The following NRXN3 variants were observed in gnomAD, a reference collection of about 807,000 sequenced individuals.
NRXN3 encodes neurexin III.
Under a neutral mutation model 137.6 loss-of-function variants are expected in NRXN3, and 32 were observed. That is an observed-to-expected ratio of 0.23 (90% CI 0.18 to 0.31). NRXN3 has a LOEUF of 0.31. Among genes scored for constraint, NRXN3 ranks in the 10% least tolerant of loss-of-function variants. NRXN3 has a pLI of 1.00. For missense variants in NRXN3, 1,574 were observed against 2,062.5 expected (o/e 0.76, Z 4.59); for synonymous variants, 798 against 784.5 (o/e 1.02, Z -0.29).
At chr14:78,797,784 T>C (rs1026530822) in intron 8 of NRXN3, among the ~76,000 whole-genome samples, 1 of 152,038 alleles carries the variant, frequency 6.6e-6, no homozygotes, top group African/African-American at 2.4e-5. Flanking sequence ...TGCCTCACAA[T>C]CATATTGGAA....
chr14:79,358,659 AAGAAAG>A (rs1422384296), intron 15 of NRXN3, among the ~76,000 whole-genome samples: 16 of 150,574 alleles, frequency 1.1e-4, no homozygotes, highest in Non-Finnish European at 1.8e-4. Context: ...GAAAGAAAGA[AAGAAAG>A]AAAGTGTCCT....
chr14:78,809,803 G>T (rs189498465), intron 9 of NRXN3, among the ~76,000 whole-genome samples: 1 of 152,268 alleles, frequency 6.6e-6, no homozygotes, highest in East Asian at 1.9e-4. Context: ...TTTTTTAAAT[G>T]ATACAATCAG....
At chr14:78,424,690 G>A (rs1190203783) in intron 4 of NRXN3, among the ~76,000 whole-genome samples, 7 of 152,226 alleles carry the variant, frequency 4.6e-5, no homozygotes, top group Non-Finnish European at 1.0e-4. Context: ...GATTTCTAGA[G>A]TTGCTGGAGT....
chr14:78,243,473 G>A lies in NRXN3; in HGVS notation c.380G>A (p.Gly127Asp), dbSNP rs1349640781. ...DRLRTVLMLD[G>D]EGQSGELQPQ... ...CTGCGCACGGTGCTGATGCTTGATG[G>A]CGAGGGCCAGTCTGGGGAGCTGCAG... The change falls in exon 2 of 21, where the codon GGC (glycine) becomes GAC (aspartate). Residue 127 changes from glycine to aspartate, a missense_variant. Gly to Asp is a moderately conservative substitution (Grantham distance 94, BLOSUM62 -1). Around this residue, in one of 5 missense-constraint regions of NRXN3, gnomAD observed 400 missense variants for 527.3 expected, o/e 0.76. Transcript: ENST00000335750. The surrounding 1 kb of genome is among the most constrained non-coding windows in gnomAD (Gnocchi z 4.2). 2 of 1,585,070 alleles carry A rather than the reference G, an allele frequency of 1.3e-6. No individual in the cohort carries two copies. The highest frequency in any genetic ancestry group is 4.5e-5 in the East Asian group (2 of 44,366).
At chr14:79,107,094 C>G (rs1336807231) in intron 15 of NRXN3, among the ~76,000 whole-genome samples, 1 of 152,148 alleles carries the variant, frequency 6.6e-6, no homozygotes, top group Admixed American at 6.6e-5. Context: ...ATGACAAGCT[C>G]TATGTATCAT....
At chr14:78,402,427 G>C (rs2092155334) in intron 4 of NRXN3, among the ~76,000 whole-genome samples, 1 of 152,148 alleles carries the variant, frequency 6.6e-6, no homozygotes, top group African/African-American at 2.4e-5. Context: ...AATTATAAGT[G>C]AGTAGGTGCT....
chr14:79,238,552 C>A (rs770572327), intron 15 of NRXN3, among the ~76,000 whole-genome samples: 14 of 152,030 alleles, frequency 9.2e-5, no homozygotes, highest in Non-Finnish European at 1.5e-4. Context: ...ATACATTACA[C>A]ACACACACAT....
chr14:79,738,424 A>G (rs180878701), intron 19 of NRXN3, among the ~76,000 whole-genome samples: 1 of 152,268 alleles, frequency 6.6e-6, no homozygotes, highest in Non-Finnish European at 1.5e-5. Flanking sequence ...GACAGCTGCC[A>G]GAACAGTCAA....
intron 16 of NRXN3, among the ~76,000 whole-genome samples, chr14:79,557,068 A>G (rs1363807961): frequency 1.3e-5 from 2 of 152,062 alleles, no homozygotes; most frequent in African/African-American, 4.8e-5. Context: ...ACCTTAAGAT[A>G]TATTCAAGGC....
intron 15 of NRXN3, among the ~76,000 whole-genome samples, chr14:79,184,863 A>G (rs1201051942): frequency 6.6e-6 from 1 of 152,192 alleles, no homozygotes; most frequent in Non-Finnish European, 1.5e-5. Flanking sequence ...TATTGTTTGT[A>G]TATGAAAAGA....
intron 15 of NRXN3, among the ~76,000 whole-genome samples, chr14:79,131,002 G>A (rs1315542419): frequency 6.6e-6 from 1 of 152,110 alleles, no homozygotes; most frequent in African/African-American, 2.4e-5. Context: ...TCTTCACGTA[G>A]TTCTCGAGCC....
intron 19 of NRXN3, among the ~76,000 whole-genome samples, chr14:79,720,658 A>G (rs993737177): frequency 2.6e-5 from 4 of 152,102 alleles, no homozygotes; most frequent in Non-Finnish European, 5.9e-5. Context: ...CCTACCACTG[A>G]GATACTTCAA....
At chr14:79,448,806 A>G (rs1213614341) in intron 15 of NRXN3, among the ~76,000 whole-genome samples, 2 of 152,166 alleles carry the variant, frequency 1.3e-5, no homozygotes, top group African/African-American at 2.4e-5. Context: ...TATTATGTGT[A>G]TATCTCTGAT....
At chr14:79,382,087 T>C (rs2094486505) in intron 15 of NRXN3, among the ~76,000 whole-genome samples, 2 of 152,324 alleles carry the variant, frequency 1.3e-5, no homozygotes, top group South Asian at 2.1e-4. Flanking sequence ...AGTTTTCTCC[T>C]CTGCAAAATG....
chr14:79,162,042 T>C (rs143340564), intron 15 of NRXN3, among the ~76,000 whole-genome samples: 1 of 151,338 alleles, frequency 6.6e-6, no homozygotes, highest in East Asian at 2.0e-4. Context: ...CAAAGGGGGG[T>C]TTGAATAGTC....
intron 16 of NRXN3, among the ~76,000 whole-genome samples, chr14:79,565,347 G>GTGTGTGTATATATA (rs1491496752): frequency 3.4e-5 from 5 of 146,630 alleles, no homozygotes; most frequent in African/African-American, 1.3e-4. Flanking sequence ...ACATATGTGT[G>GTGTGTGTATATATA]CGTATATGTA....
intron 15 of NRXN3, among the ~76,000 whole-genome samples, chr14:79,273,153 C>A (rs1294899143): frequency 2.8e-5 from 3 of 106,870 alleles, no homozygotes; most frequent in African/African-American, 7.5e-5. Flanking sequence ...GCCAGGGCGG[C>A]AATGCAAGAC....
At chr14:78,181,889 ATATTTAT>A (rs1262370539) in intron 1 of NRXN3, among the ~76,000 whole-genome samples, 1 of 152,126 alleles carries the variant, frequency 6.6e-6, no homozygotes, top group Non-Finnish European at 1.5e-5. Flanking sequence ...CATCCAGCAG[ATATTTAT>A]TAAACACCTA....
intron 15 of NRXN3, among the ~76,000 whole-genome samples, chr14:79,062,333 C>G (rs1336024218): frequency 1.3e-5 from 2 of 152,096 alleles, no homozygotes; most frequent in Non-Finnish European, 2.9e-5. Flanking sequence ...TGGGTTCAAT[C>G]TAATGAGGGA....
Sources: allele counts gnomAD v4.1 joint callset (sites outside exome capture counted in the v4.1 genomes callset), GRCh38; gene constraint gnomAD v4.1.1; regional missense constraint gnomAD v4.1.1; non-coding constraint Gnocchi (gnomAD v3.1); transcripts MANE v1.5; gene names NCBI Gene and HGNC (gene_info 2026-07-23, HGNC 2026-07-21).